The following OPCML variants were observed in gnomAD, a reference collection of about 807,000 sequenced individuals.
OPCML encodes the protein opioid binding protein/cell adhesion molecule like, also known as opioid-binding protein/cell adhesion molecule.
Under a neutral mutation model 37.8 loss-of-function variants are expected in OPCML, and 13 were observed. That is an observed-to-expected ratio of 0.34 (90% confidence interval 0.22 to 0.55). The LOEUF (loss-of-function observed/expected upper bound fraction) is 0.55, where lower values mean the gene tolerates loss of function less well. OPCML is among the 20% of genes least tolerant of loss of function. The probability of loss-of-function intolerance (pLI) is 0.91; values close to 1 mark genes in which losing one functional copy is unlikely to be tolerated. For missense variants in OPCML, 341 were observed against 435.6 expected (o/e 0.78, Z 1.93); for synonymous variants, 176 against 168.8 (o/e 1.04, Z -0.33).
At chr11:133,278,163 C>T (rs891482320) in intron 1 of OPCML, among the ~76,000 whole-genome samples, 3 of 152,128 alleles carry the variant, frequency 2.0e-5, no homozygotes, top group Non-Finnish European at 4.4e-5. Context: ...GAATATCAGG[C>T]TTGGATCTCT....
chr11:132,727,287 C>T (rs1408392606), intron 2 of OPCML, among the ~76,000 whole-genome samples: 1 of 152,178 alleles, frequency 6.6e-6, no homozygotes, highest in East Asian at 1.9e-4. Context: ...CCCTGCTATT[C>T]AATACTAGGT....
At chr11:133,473,502 T>C (rs1947161049) in intron 1 of OPCML, among the ~76,000 whole-genome samples, 1 of 152,126 alleles carries the variant, frequency 6.6e-6, no homozygotes. Flanking sequence ...GACAAGGAAA[T>C]AGGGGTTGGT....
Position 132,530,234 on chromosome 11 carries a change from G to A in OPCML, c.380-1048C>T, listed in dbSNP as rs117375981. ...TCTCATGGGCCAGGACCATGCCCAT[G>A]TACCCACAGCACTACAAAGCCTAAA... On this transcript the variant is annotated intron_variant, in intron 3 of 7. Coordinates refer to ENST00000524381, the MANE Select transcript of OPCML (RefSeq NM_001012393.5). 6.2e-3 allele frequency among the ~76,000 whole-genome samples: 941 copies of A among 152,094 alleles called. 5 individuals are homozygous for A. Among genetic ancestry groups the A allele is most frequent in the Middle Eastern group, 0.024 (7 of 294 alleles).
At chr11:132,765,435 G>A (rs535562552) in intron 2 of OPCML, among the ~76,000 whole-genome samples, 122 of 152,290 alleles carry the variant, frequency 8.0e-4, no homozygotes, top group Middle Eastern at 3.4e-3. Flanking sequence ...TATCAACCAC[G>A]AGGCATGAGA....
rs564476791 is a variant in OPCML at position 132,655,496 on chromosome 11, T to C, written c.379+1591A>G. Among the ~76,000 whole-genome samples the C allele has an allele frequency of 5.0e-4, 76 of 152,332 alleles. No individual in the cohort carries two copies. In the South Asian group the frequency reaches 0.016, roughly 32 times the overall value. ...TTGATCTCCAGATGGCAGGCAGTCT[T>C]GTCACTCCAGAGCTGTGGGTGGACG... On this transcript the variant is annotated intron_variant, in intron 3 of 7. Coordinates refer to ENST00000524381, the MANE Select transcript of OPCML (RefSeq NM_001012393.5).
intron 1 of OPCML, among the ~76,000 whole-genome samples, chr11:133,019,762 C>T (rs4520608): frequency 0.26 from 39,299 of 151,824 alleles, 5,991 homozygotes; most frequent in East Asian, 0.52. Flanking sequence ...GAGTGAAGCG[C>T]GCATATGCCA....
At chr11:132,772,227 A>T (rs1946663479) in intron 2 of OPCML, 1 of 152,114 alleles carries the variant, frequency 6.6e-6, no homozygotes. Flanking sequence ...TTTTGCCAAA[A>T]TCCTTCTCTG....
chr11:133,462,475 A>G (rs1253291889), intron 1 of OPCML, among the ~76,000 whole-genome samples: 4 of 152,140 alleles, frequency 2.6e-5, no homozygotes, highest in Non-Finnish European at 5.9e-5. Context: ...AGAAAGAACT[A>G]CTACATCTCT....
chr11:133,016,325 C>T (rs976510344), intron 1 of OPCML, among the ~76,000 whole-genome samples: 1 of 152,158 alleles, frequency 6.6e-6, no homozygotes, highest in Non-Finnish European at 1.5e-5. Flanking sequence ...TGATTGAATT[C>T]ACTTCCTTGG....
intron 2 of OPCML, among the ~76,000 whole-genome samples, chr11:132,707,774 A>G (rs1243871683): frequency 6.6e-6 from 1 of 152,208 alleles, no homozygotes; most frequent in Non-Finnish European, 1.5e-5. Context: ...GTAACTGATG[A>G]AGACTCAGAT....
chr11:133,000,119 TG>T (rs1379337444), intron 1 of OPCML, among the ~76,000 whole-genome samples: 1 of 152,136 alleles, frequency 6.6e-6, no homozygotes, highest in Non-Finnish European at 1.5e-5. Context: ...TGTGGTGACG[TG>T]ATCTCGGCTC....
At chr11:133,197,359 A>T (rs1314805487) in intron 1 of OPCML, among the ~76,000 whole-genome samples, 1 of 152,210 alleles carries the variant, frequency 6.6e-6, no homozygotes, top group Non-Finnish European at 1.5e-5. Context: ...GTAAGAGATC[A>T]TTAAACCTTA....
intron 1 of OPCML, among the ~76,000 whole-genome samples, chr11:132,996,082 A>C (rs924501563): frequency 6.6e-6 from 1 of 151,972 alleles, no homozygotes; most frequent in African/African-American, 2.4e-5. Flanking sequence ...GGGAGCACGC[A>C]AGTCCCTTCT....
chr11:132,643,492 G>C (rs974224505), intron 3 of OPCML, among the ~76,000 whole-genome samples: 4 of 152,118 alleles, frequency 2.6e-5, no homozygotes, highest in African/African-American at 9.7e-5. Context: ...CCCCAACCAG[G>C]GAGGCGCCCT....
At chr11:132,730,138 G>A (rs940056669) in intron 2 of OPCML, among the ~76,000 whole-genome samples, 7 of 147,750 alleles carry the variant, frequency 4.7e-5, no homozygotes, top group East Asian at 2.0e-4. Context: ...TCAGCCTCCC[G>A]AGTAGCTGGG....
At chr11:133,030,945 A>G (rs966937155) in intron 1 of OPCML, among the ~76,000 whole-genome samples, 3 of 152,160 alleles carry the variant, frequency 2.0e-5, no homozygotes, top group African/African-American at 7.2e-5. Flanking sequence ...ACTAAAGCTT[A>G]TACTAGGGAA....
At chr11:133,027,392 A>T (rs187096224) in intron 1 of OPCML, among the ~76,000 whole-genome samples, 35 of 152,316 alleles carry the variant, frequency 2.3e-4, no homozygotes, top group Non-Finnish European at 7.3e-5. Context: ...GAAGGTACTT[A>T]CCATAGACAT....
At chr11:133,289,412 G>A (rs539013828) in intron 1 of OPCML, among the ~76,000 whole-genome samples, 9 of 151,670 alleles carry the variant, frequency 5.9e-5, no homozygotes, top group Non-Finnish European at 1.0e-4. Context: ...CGGCTAAAAC[G>A]GTGAAACCCC....
intron 1 of OPCML, among the ~76,000 whole-genome samples, chr11:133,356,615 C>A (rs1164106820): frequency 6.6e-6 from 1 of 152,180 alleles, no homozygotes; most frequent in Non-Finnish European, 1.5e-5. Flanking sequence ...AATTGTTGAA[C>A]TGGCACTTTT....
Sources: allele counts gnomAD v4.1 joint callset (sites outside exome capture counted in the v4.1 genomes callset), GRCh38; gene constraint gnomAD v4.1.1; transcripts MANE v1.5; gene names NCBI Gene and HGNC (gene_info 2026-07-23, HGNC 2026-07-21).